The following ACSM3 variants were observed in gnomAD, a reference collection of about 807,000 sequenced individuals.
ACSM3 encodes acyl-CoA synthetase medium chain family member 3, also known as acyl-coenzyme A synthetase ACSM3, mitochondrial.
Under a neutral mutation model 74.1 loss-of-function variants are expected in ACSM3, and 61 were observed. That is an observed-to-expected ratio of 0.82 (90% CI 0.67 to 1.02). The LOEUF (loss-of-function observed/expected upper bound fraction) is 1.02. ACSM3 is among the 50% of genes least tolerant of loss of function. The pLI is 0.00. For synonymous variants in ACSM3, 213 were observed against 241.5 expected (o/e 0.88, Z 1.09); for missense variants, 660 against 697.0 (o/e 0.95, Z 0.60).
intron 1 of ACSM3, among the ~76,000 whole-genome samples, chr16:20,705,100 C>T (rs1274388753): frequency 2.6e-5 from 4 of 152,150 alleles, no homozygotes; most frequent in Admixed American, 6.5e-5. Context: ...GGGCCAGGTG[C>T]GGTGGCTCAC....
intron 4 of ACSM3, 89 bp downstream of exon 4, chr16:20,777,669 C>A: frequency 2.6e-6 from 3 of 1,134,092 alleles, no homozygotes; most frequent in Non-Finnish European, 3.8e-6. Flanking sequence ...TAGAAAAATG[C>A]AAATTAAAAC....
intron 3 of ACSM3, among the ~76,000 whole-genome samples, chr16:20,776,763 G>C (rs1331934997): frequency 2.6e-5 from 4 of 152,184 alleles, no homozygotes; most frequent in African/African-American, 9.7e-5. Flanking sequence ...CTGGCTCCAG[G>C]ACACTCTTAA....
In ACSM3 at chr16:20,724,981, C is replaced by T. The variant is rs373632835; in HGVS notation, c.-189-24929C>T. On this transcript the variant is annotated intron_variant, in intron 1 of 3. Transcript: ENST00000561584. ...CCAAGGTAATGTATAGATTCAATGCCATCCCCATCAAGCTACCAATGACTT... is the reference window on the plus strand; with the variant it reads ...CCAAGGTAATGTATAGATTCAATGCTATCCCCATCAAGCTACCAATGACTT... Among the ~76,000 whole-genome samples the T allele has an allele frequency of 9.0e-4, 137 of 152,228 alleles. 4 individuals carry two copies. The South Asian group carries it at 0.028, about 31-fold the overall frequency.
intron 1 of ACSM3, among the ~76,000 whole-genome samples, chr16:20,767,978 T>C (rs1217094462): frequency 6.6e-6 from 1 of 152,222 alleles, no homozygotes; most frequent in African/African-American, 2.4e-5. Flanking sequence ...CCAAAATTTA[T>C]TTATGTATTG....
intron 1 of ACSM3, among the ~76,000 whole-genome samples, chr16:20,686,810 G>A (rs202077465): frequency 3.1e-4 from 45 of 146,644 alleles, no homozygotes; most frequent in Non-Finnish European, 3.1e-4. Context: ...TCTCAAAAAA[G>A]AAAAAAAAAA....
Position 20,792,095 on chromosome 16 carries a change from G to C in ACSM3, c.1420G>C (p.Val474Leu). The stretch of plus-strand genomic sequence containing the variant: ...GGATAAAGATGGGTATTTCTGGTTT[G>C]TTGCAAGAGCAGATGATGTCATATT... ...YMDKDGYFWF[V>L]ARADDVILSS... Residue 474 changes from valine to leucine, a missense_variant, in exon 11 of 14, where the codon GTT becomes CTT. Transcript: ENST00000289416. 10 of 1,614,162 alleles carry C rather than the reference G, an allele frequency of 6.2e-6. No homozygotes were observed. Among genetic ancestry groups the C allele is most frequent in the Non-Finnish European group, 8.5e-6 (10 of 1,180,014 alleles).
chr16:20,741,788 G>A (rs545428946), intron 1 of ACSM3: 2 of 1,548,368 alleles, frequency 1.3e-6, no homozygotes, highest in Non-Finnish European at 1.7e-6. Flanking sequence ...GCTGCTGTTG[G>A]CGTCCTCGTC....
rs968533619 is a variant in ACSM3, at chr16:20,790,027, G to A, written c.1225-560G>A. The stretch of plus-strand genomic sequence containing the variant: ...TTGTCTCAAAGGATATTACCAAAAT[G>A]TGATTATTGCTGGATGGTAAAATTT... On this transcript the variant is annotated intron_variant, in intron 9 of 13. Coordinates refer to ENST00000289416, the MANE Select transcript of ACSM3 (RefSeq NM_005622.4). This position sits in a 1 kb window ranked among gnomAD's most constrained non-coding sequence, Gnocchi z 4.0. 7.9e-5 allele frequency among the ~76,000 whole-genome samples: 12 copies of A among 152,052 alleles called. No individual in the cohort carries two copies. The highest frequency in any genetic ancestry group is 1.6e-4 in the Non-Finnish European group (11 of 68,026).
At chr16:20,710,206 A>G (rs1389894678) in intron 1 of ACSM3, among the ~76,000 whole-genome samples, 5 of 152,214 alleles carry the variant, frequency 3.3e-5, no homozygotes, top group Non-Finnish European at 5.9e-5. Flanking sequence ...CTAGACCACT[A>G]GAATCCATAG....
chr16:20,707,261 G>T (rs570601103), intron 1 of ACSM3, among the ~76,000 whole-genome samples: 1 of 152,196 alleles, frequency 6.6e-6, no homozygotes, highest in Admixed American at 6.5e-5. Context: ...GCCTGCCCAG[G>T]GACCCACTGT....
Position 20,723,374 on chromosome 16 carries a change from T to C in ACSM3, c.-189-26536T>C, listed in dbSNP as rs550611571. Among the ~76,000 whole-genome samples, 9 of 152,316 alleles carry C rather than the reference T, an allele frequency of 5.9e-5. No homozygotes were observed. The East Asian group carries it at 9.6e-4, about 16-fold the overall frequency. ...TGCATGTGTCTTTATAGCAGCATGATTTATAATCCTTTGGGTATATACCCA... is the reference window on the plus strand; with the variant it reads ...TGCATGTGTCTTTATAGCAGCATGACTTATAATCCTTTGGGTATATACCCA... On this transcript the variant is annotated intron_variant, in intron 1 of 3. Coordinates refer to the ACSM3 transcript ENST00000561584.
intron 1 of ACSM3, among the ~76,000 whole-genome samples, chr16:20,733,249 G>GA (rs933516473): frequency 1.3e-5 from 2 of 152,088 alleles, no homozygotes; most frequent in Non-Finnish European, 2.9e-5. Context: ...CTTAGAAAAA[G>GA]AAAGTGCACA....
chr16:20,786,159 G>A lies in ACSM3; in HGVS notation c.1224+1G>A. ...ACCTTCTCCTGCTTTCGATGTTAAG[G>A]TTTGCACATCCCCTTCCAGGAGAAT... On this transcript the variant is annotated splice_donor_variant, in intron 9 of 13. Transcript: ENST00000289416. LOFTEE classifies it high-confidence loss of function. 6.2e-7 allele frequency: 1 copy of A among 1,608,948 alleles called. No homozygotes were observed. Among genetic ancestry groups the A allele is most frequent in the Non-Finnish European group, 8.5e-7 (1 of 1,177,732 alleles).
At chr16:20,681,563 A>G (rs534301491) in intron 1 of ACSM3, 19 of 152,298 alleles carry the variant, frequency 1.2e-4, no homozygotes, top group Admixed American at 9.2e-4. Context: ...GATTCAGTCA[A>G]CTATAGAGGC....
chr16:20,716,127 C>T (rs941690740), intron 1 of ACSM3, among the ~76,000 whole-genome samples: 10 of 152,116 alleles, frequency 6.6e-5, no homozygotes, highest in African/African-American at 1.4e-4. Context: ...GTGCATTAAT[C>T]GAAGCAAGTC....
At chr16:20,685,432 T>A (rs1466645922) in intron 1 of ACSM3, 1 of 1,609,930 alleles carries the variant, frequency 6.2e-7, no homozygotes, top group Non-Finnish European at 8.5e-7. Flanking sequence ...TATGTGTTAT[T>A]TTCTGCTTCA....
At position 20,781,014 on chromosome 16, in the gene ACSM3, AC is replaced by A; in HGVS notation, c.825del (p.Ser276GlnfsTer63). On this transcript the variant is annotated frameshift_variant, in exon 6 of 14. Coordinates refer to ENST00000289416, the MANE Select transcript of ACSM3 (RefSeq NM_005622.4). LOFTEE classifies it high-confidence loss of function. ...DLTPSDVMWN[T>X]SDTGWAKSAW... ...GACACCCTCAGATGTGATGTGGAATACCTCAGATACGGGCTGGGCAAAGTCT... is the reference window on the plus strand; with the variant it reads ...GACACCCTCAGATGTGATGTGGAATACTCAGATACGGGCTGGGCAAAGTCT... 1.2e-6 allele frequency: 2 copies of A among 1,614,166 alleles called. No individual in the cohort carries two copies. The highest frequency in any genetic ancestry group is 1.7e-6 in the Non-Finnish European group (2 of 1,180,032).
intron 1 of ACSM3, among the ~76,000 whole-genome samples, chr16:20,717,920 A>G (rs2079768661): frequency 7.4e-6 from 1 of 134,246 alleles, no homozygotes; most frequent in Non-Finnish European, 1.7e-5. Context: ...AAGAAGAAGA[A>G]GGAGGAGAAG....
intron 1 of ACSM3, chr16:20,738,910 C>T: frequency 6.2e-7 from 1 of 1,614,144 alleles, no homozygotes; most frequent in Admixed American, 1.7e-5. Context: ...TCCCAAGTGT[C>T]CTGATGAAGA....
Sources: gnomAD v4.1 joint callset for allele counts (sites outside exome capture counted in the v4.1 genomes callset) on GRCh38, gnomAD v4.1.1 for gene constraint, Gnocchi (gnomAD v3.1) non-coding constraint, MANE v1.5 for transcripts, NCBI Gene and HGNC (gene_info 2026-07-23, HGNC 2026-07-21) for gene names.